Variants in ANK3 observed in about 807,000 individuals in gnomAD.
The protein encoded by ANK3 is ankyrin 3, also known as ankyrin-3.
In ANK3, 57 loss-of-function variants were observed where a neutral mutation model predicts 370.9. The ratio of observed to expected loss-of-function variants is 0.15; its 90% CI spans 0.12 to 0.19. The LOEUF is 0.19. Ranked by LOEUF, ANK3 falls within the 10% of genes least tolerant of loss-of-function variation. The pLI, the probability that ANK3 is intolerant of heterozygous loss-of-function variation, is 1.00. For synonymous variants in ANK3, 1,929 were observed against 1,946.3 expected (o/e 0.99, Z 0.23); for missense variants, 4,439 against 5,302.1 (o/e 0.84, Z 5.06).
intron 2 of ANK3, among the ~76,000 whole-genome samples, chr10:60,533,737 G>A (rs2133204252): frequency 1.3e-5 from 2 of 152,186 alleles, no homozygotes; most frequent in Non-Finnish European, 2.9e-5. Context: ...AGATTAGCTG[G>A]TAGAGAAGAA....
At chr10:60,599,194 C>A (rs926277594) in intron 2 of ANK3, among the ~76,000 whole-genome samples, 2 of 152,096 alleles carry the variant, frequency 1.3e-5, no homozygotes, top group African/African-American at 4.8e-5. Flanking sequence ...GCCTCCCAAA[C>A]TGCCGGGATT....
chr10:60,711,533 G>GA (rs2079707276), intron 1 of ANK3, among the ~76,000 whole-genome samples: 1 of 151,548 alleles, frequency 6.6e-6, no homozygotes, highest in African/African-American at 2.4e-5. Flanking sequence ...AATACAAAGA[G>GA]AAAAAAGAAT....
At chr10:60,329,780 AACT>A (rs912808300) in intron 1 of ANK3, among the ~76,000 whole-genome samples, 14 of 152,200 alleles carry the variant, frequency 9.2e-5, no homozygotes, top group African/African-American at 3.4e-4. Context: ...AATTGGAAAA[AACT>A]ACTTTAAATT....
chr10:60,221,341 A>C (rs2097053913), intron 8 of ANK3, among the ~76,000 whole-genome samples: 1 of 152,122 alleles, frequency 6.6e-6, no homozygotes, highest in South Asian at 2.1e-4. Context: ...CAGTCTCCCA[A>C]AGTGCTGGGA....
chr10:60,049,097 A>G (rs1794643018), intron 42 of ANK3, among the ~76,000 whole-genome samples: 1 of 152,216 alleles, frequency 6.6e-6, no homozygotes, highest in Non-Finnish European at 1.5e-5. Context: ...AAAATAATTT[A>G]TAAAGTGTTT....
chr10:60,697,377 T>C (rs1417093038), intron 1 of ANK3, among the ~76,000 whole-genome samples: 1 of 151,736 alleles, frequency 6.6e-6, no homozygotes, highest in Non-Finnish European at 1.5e-5. Context: ...TACCAATGAC[T>C]TTCTTCACAG....
intron 2 of ANK3, among the ~76,000 whole-genome samples, chr10:60,598,369 T>C (rs1264069146): frequency 1.3e-5 from 2 of 152,162 alleles, no homozygotes; most frequent in African/African-American, 4.8e-5. Context: ...CCTTAGCAAA[T>C]CCTTCTTTCT....
At chr10:60,518,099 G>A (rs753959519) in intron 2 of ANK3, among the ~76,000 whole-genome samples, 10 of 152,056 alleles carry the variant, frequency 6.6e-5, no homozygotes, top group East Asian at 1.9e-4. Context: ...TTAGCACCAC[G>A]CTACCCTAGA....
At chr10:60,101,313 G>A (rs2091227265) in intron 28 of ANK3, among the ~76,000 whole-genome samples, 1 of 152,114 alleles carries the variant, frequency 6.6e-6, no homozygotes, top group African/African-American at 2.4e-5. Context: ...GTAAATTAAG[G>A]ACCTCTTCTA....
intron 1 of ANK3, among the ~76,000 whole-genome samples, chr10:60,727,834 G>A (rs750334505): frequency 6.6e-6 from 1 of 152,004 alleles, no homozygotes; most frequent in Non-Finnish European, 1.5e-5. Context: ...CTACTTAAAA[G>A]TTCATTGAAA....
At position 60,705,885 on chromosome 10, in the gene ANK3, C is replaced by T. The variant is rs1382904405; in HGVS notation, c.57+27378G>A. Among the ~76,000 whole-genome samples the T allele has an allele frequency of 2.9e-5, 4 of 139,182 alleles. No individual in the cohort carries two copies. In the East Asian group the frequency reaches 8.5e-4, roughly 29 times the overall value. 91.3% of individuals were successfully genotyped at this position (139,182 alleles called of 152,430 possible). ...GTCACCTCCATTGAGTGCAGTGGTG[C>T]GATCATGGCTCACTGCACCCTCGAC... On this transcript the variant is annotated intron_variant, in intron 1 of 43. Transcript: ENST00000373827.
At chr10:60,374,215 G>T (rs2060479028) in intron 1 of ANK3, among the ~76,000 whole-genome samples, 2 of 151,936 alleles carry the variant, frequency 1.3e-5, no homozygotes, top group Non-Finnish European at 2.9e-5. Context: ...CAAGGAAAGG[G>T]GATCCGGCGG....
At chr10:60,174,574 A>ACTTC (rs2095875416) in intron 18 of ANK3, among the ~76,000 whole-genome samples, 1 of 152,190 alleles carries the variant, frequency 6.6e-6, no homozygotes, top group Non-Finnish European at 1.5e-5. Flanking sequence ...AGTTCAAAGA[A>ACTTC]CTTCCCCTTA....
At chr10:60,164,220 T>C (rs2095564331) in intron 23 of ANK3, among the ~76,000 whole-genome samples, 1 of 152,182 alleles carries the variant, frequency 6.6e-6, no homozygotes, top group East Asian at 1.9e-4. Context: ...CTAGAGCTCT[T>C]GTAAGCAAAA....
At chr10:60,193,586 C>T (rs1233157227) in intron 16 of ANK3, among the ~76,000 whole-genome samples, 2 of 149,602 alleles carry the variant, frequency 1.3e-5, no homozygotes, top group African/African-American at 5.0e-5. Flanking sequence ...ACCTGGGAGG[C>T]GGAGGTTGCA....
intron 2 of ANK3, among the ~76,000 whole-genome samples, chr10:60,431,656 G>A (rs1314053092): frequency 6.6e-6 from 1 of 152,172 alleles, no homozygotes; most frequent in Non-Finnish European, 1.5e-5. Context: ...AGCTGGTGGG[G>A]GGGCTAGGGA....
At position 60,059,439 on chromosome 10, in the gene ANK3, G is replaced by GA; in HGVS notation, c.12596-10dup. ...TGTCTCATTCTGCCAACCTGTAATT[G>GA]AAGACATTTCCAGTTCTGCTTGCTG... On this transcript the variant is annotated splice_polypyrimidine_tract_variant and intron_variant, in intron 40 of 43. Transcript: ENST00000280772. 1 of 1,611,648 alleles carries GA rather than the reference G, an allele frequency of 6.2e-7. No homozygotes were observed. Among genetic ancestry groups the GA allele is most frequent in the South Asian group, 1.1e-5 (1 of 91,020 alleles).
intron 9 of ANK3, among the ~76,000 whole-genome samples, chr10:60,208,874 A>G (rs2096803923): frequency 6.6e-6 from 1 of 152,204 alleles, no homozygotes; most frequent in Admixed American, 6.5e-5. Flanking sequence ...TGGTGCCCCC[A>G]TGTGTCTATG....
rs190885061 is a variant in ANK3 at position 60,514,857 on chromosome 10, T to C, written c.96+100329A>G. ...AAGTGATTTAATAAAAATAAACACA[T>C]AAAAGTGTATCAAATAAGCTGTTTC... is the stretch of plus-strand genomic sequence containing the variant. On this transcript the variant is annotated intron_variant, in intron 2 of 43. Transcript: ENST00000373827. Among the ~76,000 whole-genome samples the C allele has an allele frequency of 2.0e-4, 31 of 152,228 alleles. 1 individual carries two copies. In the South Asian group the frequency reaches 5.0e-3, roughly 24 times the overall value.
Sources: allele counts gnomAD v4.1 joint callset (sites outside exome capture counted in the v4.1 genomes callset), GRCh38; gene constraint gnomAD v4.1.1; transcripts MANE v1.5; gene names NCBI Gene and HGNC (gene_info 2026-07-23, HGNC 2026-07-21).